Variants in TUSC3 observed in about 807,000 individuals in gnomAD.
TUSC3 encodes dolichyl-diphosphooligosaccharide--protein glycosyltransferase subunit TUSC3.
Under a neutral mutation model 44.8 loss-of-function variants are expected in TUSC3, and 45 were observed. The observed-to-expected ratio is 1.00, with a 90% confidence interval of 0.79 to 1.29. The LOEUF is 1.29. Ranked by LOEUF, TUSC3 falls within the 50% of genes most tolerant of loss-of-function variation. The pLI is 0.00. For missense variants in TUSC3, 519 were observed against 437.9 expected, an observed-to-expected ratio of 1.19 and a Z score of -1.65; for synonymous variants, 212 against 152.9, an observed-to-expected ratio of 1.39 and a Z score of -2.85.
At chr8:15,753,797 A>C (rs1811808893) in intron 9 of TUSC3, among the ~76,000 whole-genome samples, 1 of 152,104 alleles carries the variant, frequency 6.6e-6, no homozygotes, top group Non-Finnish European at 1.5e-5. Context: ...CCTGAGCCAA[A>C]TTACAAAAAC....
chr8:15,484,857 A>G (rs1298544097), intron 2 of TUSC3, among the ~76,000 whole-genome samples: 1 of 152,220 alleles, frequency 6.6e-6, no homozygotes, highest in African/African-American at 2.4e-5. Flanking sequence ...GAAATGGAAA[A>G]CTTCATAAGA....
chr8:15,563,910 A>G (rs1019835230), intron 1 of TUSC3, among the ~76,000 whole-genome samples: 1 of 152,030 alleles, frequency 6.6e-6, no homozygotes, highest in African/African-American at 2.4e-5. Context: ...ATTGATAGGC[A>G]TTTTCCTTTT....
intron 6 of TUSC3, among the ~76,000 whole-genome samples, chr8:15,698,606 T>C (rs758572410): frequency 6.6e-5 from 10 of 152,184 alleles, no homozygotes; most frequent in Non-Finnish European, 1.0e-4. Context: ...TTTATACTAT[T>C]ACATCTCAGA....
At chr8:15,443,261 G>A (rs1271832435) in intron 1 of TUSC3, among the ~76,000 whole-genome samples, 3 of 151,574 alleles carry the variant, frequency 2.0e-5, no homozygotes, top group African/African-American at 7.3e-5. Flanking sequence ...GCAGTCTCGA[G>A]CTCCTGGACT....
At chr8:15,559,178 G>A (rs1255837087) in intron 1 of TUSC3, among the ~76,000 whole-genome samples, 20 of 138,264 alleles carry the variant, frequency 1.4e-4, no homozygotes, top group East Asian at 6.7e-4. Context: ...CTTTGAATGC[G>A]TCCCAGAGAT....
chr8:15,477,869 T>G (rs552066149), intron 1 of TUSC3, among the ~76,000 whole-genome samples: 9 of 152,312 alleles, frequency 5.9e-5, no homozygotes, highest in Admixed American at 3.9e-4. Flanking sequence ...GCTTTCCTCT[T>G]TCTTGACTAT....
At chr8:15,583,347 C>T (rs1221983994) in intron 1 of TUSC3, among the ~76,000 whole-genome samples, 1 of 152,082 alleles carries the variant, frequency 6.6e-6, no homozygotes, top group Non-Finnish European at 1.5e-5. Flanking sequence ...TAATAAAACT[C>T]ACTTTAGATT....
At chr8:15,825,895 T>C in the TUSC3 span, among the ~76,000 whole-genome samples, 2 of 151,290 alleles carry the variant, frequency 1.3e-5, no homozygotes, top group East Asian at 3.9e-4. Flanking sequence ...CTTTTTTTTT[T>C]TTTTTTTTTT....
chr8:15,678,092 C>G (rs1446150493), intron 6 of TUSC3, among the ~76,000 whole-genome samples: 1 of 152,176 alleles, frequency 6.6e-6, no homozygotes, highest in East Asian at 1.9e-4. Flanking sequence ...AACCTTATTT[C>G]TGCTATGAGA....
chr8:15,735,883 G>GTTT (rs1256092839), intron 7 of TUSC3, among the ~76,000 whole-genome samples: 1 of 35,030 alleles, frequency 2.9e-5, no homozygotes, highest in Non-Finnish European at 7.4e-5. Flanking sequence ...TTTTTTTTTT[G>GTTT]TTTTTTTGGT....
chr8:15,542,654 G>C (rs1292610419), intron 1 of TUSC3, among the ~76,000 whole-genome samples: 4 of 152,242 alleles, frequency 2.6e-5, no homozygotes, highest in East Asian at 1.9e-4. Flanking sequence ...GAAAACATTT[G>C]TGGATTTAGT....
chr8:15,639,463 C>T (rs1314157871), intron 2 of TUSC3, among the ~76,000 whole-genome samples: 1 of 152,220 alleles, frequency 6.6e-6, no homozygotes, highest in African/African-American at 2.4e-5. Flanking sequence ...TCATACAAAA[C>T]GGTGCTTTAT....
At chr8:15,563,120 A>G (rs79300359) in intron 1 of TUSC3, among the ~76,000 whole-genome samples, 3,614 of 152,206 alleles carry the variant, frequency 0.024, 164 homozygotes, top group African/African-American at 0.082. Context: ...ACCCATATAA[A>G]CAGGCATGAC....
intron 1 of TUSC3, among the ~76,000 whole-genome samples, chr8:15,576,131 C>G (rs544493792): frequency 6.6e-6 from 1 of 151,618 alleles, no homozygotes; most frequent in South Asian, 2.1e-4. Flanking sequence ...AGCAATGAAT[C>G]AGAGTTTTTG....
upstream of TUSC3, among the ~76,000 whole-genome samples, chr8:15,538,959 TC>T (rs551120659): frequency 4.2e-3 from 643 of 151,614 alleles, 1 homozygote; most frequent in Non-Finnish European, 7.3e-3. Context: ...TAGTGATCCT[TC>T]CAGCCTCAGT....
rs1332360808 is a variant in TUSC3, at chr8:15,500,740, C to A, written n.189+17257C>A. The stretch of plus-strand genomic sequence containing the variant: ...AAGAGAAAGAGAATGTGACAGGAAA[C>A]ATCAGTAGATAAATCATTTAGCAAA... On this transcript the variant is annotated intron_variant and non_coding_transcript_variant, in intron 2 of 5. Coordinates refer to the TUSC3 transcript ENST00000503191. 2.6e-5 allele frequency among the ~76,000 whole-genome samples: 4 copies of A among 152,144 alleles called. No individual in the cohort carries two copies. The East Asian group carries it at 7.7e-4, about 29-fold the overall frequency.
At chr8:15,497,694 CAA>C (rs1347234955) in intron 2 of TUSC3, among the ~76,000 whole-genome samples, 1 of 151,922 alleles carries the variant, frequency 6.6e-6, no homozygotes, top group East Asian at 1.9e-4. Flanking sequence ...AAAATGCACG[CAA>C]GAGAAGTTTT....
At chr8:15,737,598 G>C (rs778446457) in intron 7 of TUSC3, among the ~76,000 whole-genome samples, 4 of 152,088 alleles carry the variant, frequency 2.6e-5, no homozygotes, top group African/African-American at 4.8e-5. Context: ...CAAAAACTAG[G>C]CCAAAGTATG....
At chr8:15,504,987 G>A (rs181426049) in intron 2 of TUSC3, among the ~76,000 whole-genome samples, 1 of 151,824 alleles carries the variant, frequency 6.6e-6, no homozygotes, top group East Asian at 1.9e-4. Flanking sequence ...ATGAGGTGCG[G>A]GCTTCCTAAA....
Sources: allele counts gnomAD v4.1 joint callset (sites outside exome capture counted in the v4.1 genomes callset), GRCh38; gene constraint gnomAD v4.1.1; transcripts MANE v1.5; gene names NCBI Gene and HGNC (gene_info 2026-07-23, HGNC 2026-07-21).